Variants in MADCAM1 observed in about 807,000 individuals in gnomAD.
MADCAM1 encodes mucosal addressin cell adhesion molecule 1.
A neutral mutation model predicts 26.1 loss-of-function variants in MADCAM1; 19 were observed. The observed-to-expected ratio is 0.73, with a 90% CI of 0.51 to 1.07. The LOEUF (loss-of-function observed/expected upper bound fraction) is 1.07, where lower values mean the gene tolerates loss of function less well. Among genes scored for constraint, MADCAM1 ranks in the 50% least tolerant of loss-of-function variants. The probability of loss-of-function intolerance (pLI) is 0.00; values close to 1 mark genes in which losing one functional copy is unlikely to be tolerated. For missense variants in MADCAM1, 514 were observed against 542.1 expected (o/e 0.95, Z 0.51); for synonymous variants, 268 against 260.9 (o/e 1.03, Z -0.26).
Position 503,346 on chromosome 19 carries a change from C to T in MADCAM1, c.929-1399C>T, listed in dbSNP as rs185303665. ...CCTGTAATCCCTGCACTTTGGGAGGCCAAGGCGGGCGGATCACGAGGTCAG... is the reference window on the plus strand; with the variant it reads ...CCTGTAATCCCTGCACTTTGGGAGGTCAAGGCGGGCGGATCACGAGGTCAG... On this transcript the variant is annotated intron_variant, in intron 4 of 4. Transcript: ENST00000215637. Among the ~76,000 whole-genome samples the T allele has an allele frequency of 1.7e-3, 259 of 150,704 alleles. 2 individuals are homozygous for T. Among genetic ancestry groups the T allele is most frequent in the East Asian group, 0.012 (61 of 4,998 alleles).
intron 3 of MADCAM1, 64 bp downstream of exon 3, chr19:498,889 GGGT>G: frequency 6.8e-7 from 1 of 1,466,206 alleles, no homozygotes; most frequent in Non-Finnish European, 9.1e-7. Context: ...CTTCGGGACG[GGGT>G]GGGGGGGTGG....
At chr19:498,863 C>T (rs1187975378) in intron 3 of MADCAM1, 38 bp downstream of exon 3, 25 of 1,375,650 alleles carry the variant, frequency 1.8e-5, no homozygotes, top group Non-Finnish European at 2.4e-5. Context: ...CACCCGCTCG[C>T]CAGCCTTGAC....
chr19:499,417 C>T (rs1978306324), intron 3 of MADCAM1: 1 of 441,724 alleles, frequency 2.3e-6, no homozygotes. Flanking sequence ...CACACATGTA[C>T]AAACACAGAC....
intron 2 of MADCAM1, 101 bp from the exon 3 acceptor site, chr19:498,395 G>A (rs1978296467): frequency 5.7e-6 from 7 of 1,232,598 alleles, no homozygotes; most frequent in Non-Finnish European, 7.4e-6. Flanking sequence ...CAGCCCCCAC[G>A]CATCCTTGGC....
intron 3 of MADCAM1, chr19:500,012 G>A (rs145448242): frequency 6.8e-6 from 3 of 440,636 alleles, no homozygotes; most frequent in South Asian, 3.2e-5. Context: ...GCTGGGGTGG[G>A]CAGAGAGGAG....
intron 3 of MADCAM1, chr19:499,758 C>T (rs954594600): frequency 6.6e-6 from 3 of 455,416 alleles, no homozygotes; most frequent in Non-Finnish European, 1.3e-5. Flanking sequence ...GCTCAATAAA[C>T]CCTTGCTGAA....
At position 497,924 on chromosome 19, in the gene MADCAM1, C is replaced by T. The variant is rs1978293328; in HGVS notation, c.144C>T (p.Arg48=). The T allele has an allele frequency of 7.1e-7, 1 of 1,402,040 alleles. No homozygotes were observed. The highest frequency in any genetic ancestry group is 9.2e-7 in the Non-Finnish European group (1 of 1,085,184). The allele number at this position is 1,402,040 out of a possible 1,614,324, so 86.8% of individuals were successfully genotyped here. A position where few individuals can be genotyped will look rare whatever the true frequency, so the allele number is the denominator to read the frequency against. Residue 48 remains arginine (R), a synonymous_variant, in exon 2 of 5, where the codon CGC becomes CGT. Coordinates refer to ENST00000215637, the MANE Select transcript of MADCAM1 (RefSeq NM_130760.3). ...ALGASRQLTC[R]LACADRGASV... Reference sequence around the variant, plus strand: ...GCGCCTCGCGCCAGCTCACCTGCCGCCTGGCCTGCGCGGACCGCGGGGCCT... The same window carrying T: ...GCGCCTCGCGCCAGCTCACCTGCCGTCTGGCCTGCGCGGACCGCGGGGCCT...
rs1444377568 is a variant in MADCAM1, at chr19:496,531, G to A, written c.32G>A (p.Gly11Glu). The A allele has an allele frequency of 6.1e-6, 8 of 1,307,500 alleles. No homozygotes were observed. In the East Asian group the frequency reaches 8.5e-5, roughly 14 times the overall value. 81.0% of individuals were successfully genotyped at this position (1,307,500 alleles called of 1,614,324 possible). ...TTCGGACTGGCCCTCCTGCTGGCGG[G>A]GCTTCTGGGGCTCCTCCTCGGTGAG... is the stretch of plus-strand genomic sequence containing the variant. MDFGLALLLA[G>E]LLGLLLGQSL... Residue 11 changes from glycine (G) to glutamate (E), a missense_variant, in exon 1 of 5, where the codon GGG becomes GAG. This residue lies in a region of MADCAM1 where 317 missense variants were observed against 313.6 expected (regional missense o/e 1.01). Coordinates refer to ENST00000215637, the MANE Select transcript of MADCAM1 (RefSeq NM_130760.3).
chr19:500,713 T>C (rs1353399281), intron 3 of MADCAM1, among the ~76,000 whole-genome samples: 1 of 151,994 alleles, frequency 6.6e-6, no homozygotes, highest in Non-Finnish European at 1.5e-5. Context: ...CTACTAAAAA[T>C]ACAAATATTA....
intron 4 of MADCAM1, 29 bp downstream of exon 4, chr19:501,958 G>A (rs757709393): frequency 1.4e-6 from 2 of 1,443,764 alleles, no homozygotes; most frequent in Admixed American, 2.5e-5. Context: ...GGGCAGGGAG[G>A]GTGGGAAGGG....
In MADCAM1 at chr19:498,653, C is replaced by T; in HGVS notation, c.495C>T (p.Gly165=). The T allele has an allele frequency of 2.1e-6, 3 of 1,461,734 alleles. No individual in the cohort carries two copies. The highest frequency in any genetic ancestry group is 2.7e-6 in the Non-Finnish European group (3 of 1,112,118). 90.5% of individuals were successfully genotyped at this position (1,461,734 alleles called of 1,614,324 possible). Reference sequence around the variant, plus strand: ...AACTGGAGGGGGCGCAAGCCCTGGGCCCGGAGGTGCAGGAGGAGGAGGAGG... The same window carrying T: ...AACTGGAGGGGGCGCAAGCCCTGGGTCCGGAGGTGCAGGAGGAGGAGGAGG... ...GQELEGAQAL[G]PEVQEEEEEP... The change falls in exon 3 of 5, where the codon GGC becomes GGT. Residue 165 remains glycine (G), a synonymous_variant. Coordinates refer to ENST00000215637, the MANE Select transcript of MADCAM1 (RefSeq NM_130760.3).
intron 4 of MADCAM1, among the ~76,000 whole-genome samples, chr19:502,439 T>C (rs1264192147): frequency 6.6e-6 from 1 of 151,968 alleles, no homozygotes; most frequent in Non-Finnish European, 1.5e-5. Context: ...GTTGCTGGGA[T>C]TACAGGCACC....
rs1242109296 is a variant in MADCAM1 at position 504,950 on chromosome 19, G to T, written c.1134G>T (p.Gly378=). 6.3e-6 allele frequency: 10 copies of T among 1,595,958 alleles called. No homozygotes were observed. Among genetic ancestry groups the T allele is most frequent in the Non-Finnish European group, 7.7e-6 (9 of 1,166,320 alleles). Residue 378 remains glycine, a synonymous_variant, in exon 5 of 5, where the codon GGG becomes GGT. Transcript: ENST00000215637. ...GGTTAAGGGGGACCGGCCAGGTCGG[G>T]ATCAGCCCCTCCTGAGTGGCCAGCC... ...WAGLRGTGQV[G]ISPS
At chr19:499,808 C>A in intron 3 of MADCAM1, 1 of 456,372 alleles carries the variant, frequency 2.2e-6, no homozygotes, top group Non-Finnish European at 4.4e-6. Context: ...GGTGCCCTGG[C>A]GGTGCTCCCT....
In MADCAM1 at chr19:504,799, T is replaced by C. The variant is rs750794834; in HGVS notation, c.983T>C (p.Val328Ala). The change falls in exon 5 of 5, where the codon GTG becomes GCG. Residue 328 changes from valine to alanine, a missense_variant. By Grantham distance (64) the Val-to-Ala change is moderately conservative (BLOSUM62 0). Around this residue, in one of 3 missense-constraint regions of MADCAM1, gnomAD observed 152 missense variants for 136.7 expected, o/e 1.11. Coordinates refer to ENST00000215637, the MANE Select transcript of MADCAM1 (RefSeq NM_130760.3). ...LPAALWTSSA[V>A]LGLLLLALPT... ...GCGGCTCTGTGGACCAGCAGTGCGGTGCTGGGACTGCTGCTCCTGGCCTTG... is the reference window on the plus strand; with the variant it reads ...GCGGCTCTGTGGACCAGCAGTGCGGCGCTGGGACTGCTGCTCCTGGCCTTG... 4 of 1,613,002 alleles carry C rather than the reference T, an allele frequency of 2.5e-6. No individual in the cohort carries two copies. Among genetic ancestry groups the C allele is most frequent in the Non-Finnish European group, 2.5e-6 (3 of 1,179,956 alleles).
chr19:498,161 C>T (rs567637809), intron 2 of MADCAM1, 44 bp downstream of exon 2: 348 of 1,298,794 alleles, frequency 2.7e-4, no homozygotes, highest in Non-Finnish European at 3.0e-4. Flanking sequence ...CCTTGGACTC[C>T]CGGCTCCTTC....
chr19:505,140 CTG>C lies in MADCAM1; in HGVS notation c.*177_*178del. The C allele has an allele frequency of 1.8e-6, 1 of 545,936 alleles. No individual in the cohort carries two copies. The highest frequency in any genetic ancestry group is 3.2e-6 in the Non-Finnish European group (1 of 312,450). The allele number at this position is 545,936 out of a possible 1,614,324, so 33.8% of individuals were successfully genotyped here. On this transcript the variant is annotated 3_prime_UTR_variant, in exon 5 of 5. Coordinates refer to ENST00000215637, the MANE Select transcript of MADCAM1 (RefSeq NM_130760.3). The stretch of plus-strand genomic sequence containing the variant: ...TCATCAGAAACTCAAAAGAAGGCCA[CTG>C]TTTGTCTCACCTACCCATGACCTGA...
At position 497,982 on chromosome 19, in the gene MADCAM1, G is replaced by C; in HGVS notation, c.202G>C (p.Gly68Arg). The change falls in exon 2 of 5, where the codon GGC becomes CGC. Residue 68 changes from glycine (G) to arginine (R), a missense_variant. Physicochemically the swap from Gly to Arg is moderately radical, Grantham distance 125. Transcript: ENST00000215637. ...VQWRGLDTSL[G>R]AVQSDTGRSV... ...GTGGCGGGGCCTGGACACCAGCCTG[G>C]GCGCGGTGCAGTCGGACACGGGCCG... The C allele has an allele frequency of 6.7e-7, 1 of 1,498,682 alleles. No homozygotes were observed. The highest frequency in any genetic ancestry group is 8.8e-7 in the Non-Finnish European group (1 of 1,130,184). The allele number at this position is 1,498,682 out of a possible 1,614,324, so 92.8% of individuals were successfully genotyped here. A position where few individuals can be genotyped will look rare whatever the true frequency, so the allele number is the denominator to read the frequency against.
intron 4 of MADCAM1, among the ~76,000 whole-genome samples, chr19:503,375 A>C (rs781599049): frequency 4.6e-5 from 7 of 150,810 alleles, no homozygotes; most frequent in African/African-American, 1.7e-4. Flanking sequence ...AGGTCAGGAG[A>C]TCGAGACCAT....
Sources: allele counts gnomAD v4.1 joint callset (sites outside exome capture counted in the v4.1 genomes callset), GRCh38; gene constraint gnomAD v4.1.1; regional missense constraint gnomAD v4.1.1; transcripts MANE v1.5; gene names NCBI Gene and HGNC (gene_info 2026-07-23, HGNC 2026-07-21).